Variants in PCLO observed in about 807,000 individuals in gnomAD.
PCLO encodes the protein piccolo presynaptic cytomatrix protein, also known as protein piccolo.
PCLO carries 82 observed loss-of-function variants against 427.5 expected under a neutral mutation model. That is an observed-to-expected ratio of 0.19 (90% CI 0.16 to 0.23). The LOEUF (loss-of-function observed/expected upper bound fraction) is 0.23. Ranked by LOEUF, PCLO falls within the 10% of genes least tolerant of loss-of-function variation. The pLI is 1.00. For synonymous variants in PCLO, 2,357 were observed against 2,155.4 expected (o/e 1.09, Z -2.59); for missense variants, 6,239 against 6,115.9 (o/e 1.02, Z -0.67).
intron 3 of PCLO, among the ~76,000 whole-genome samples, chr7:82,972,519 G>C (rs1795928943): frequency 6.6e-6 from 1 of 152,058 alleles, no homozygotes; most frequent in South Asian, 2.1e-4. Context: ...GTAAGGAAAT[G>C]GTGGTCACAA....
chr7:82,880,105 T>C (rs555318834), intron 9 of PCLO, among the ~76,000 whole-genome samples: 1 of 152,252 alleles, frequency 6.6e-6, no homozygotes, highest in South Asian at 2.1e-4. Flanking sequence ...ATAATATTAT[T>C]ATGAGAAACC....
At chr7:83,038,057 A>G (rs1321742018) in intron 3 of PCLO, among the ~76,000 whole-genome samples, 2 of 50,284 alleles carry the variant, frequency 4.0e-5, no homozygotes, top group African/African-American at 1.5e-4. Context: ...ATATCTTTAT[A>G]TATATATTTA....
rs1792300248 is a variant in PCLO, at chr7:83,156,356, T to G, written c.285A>C (p.Gln95His). ...QELDSSHPPK[Q>H]SGRPPDPGRP... Reference sequence around the variant, plus strand: ...GCCCAGGGTCCGGGGGTCTTCCTGATTGCTTTGGAGGATGACTACTATCCA... The same window carrying G: ...GCCCAGGGTCCGGGGGTCTTCCTGAGTGCTTTGGAGGATGACTACTATCCA... The change falls in exon 2 of 25, where the codon CAA (glutamine) becomes CAC (histidine). Residue 95 changes from glutamine to histidine, a missense_variant. Gln to His is a conservative substitution (Grantham distance 24, BLOSUM62 0). Around this residue, in one of 5 missense-constraint regions of PCLO, gnomAD observed 4,677 missense variants for 4,468.4 expected, o/e 1.05. Coordinates refer to ENST00000333891, the MANE Select transcript of PCLO (RefSeq NM_033026.6). The G allele has an allele frequency of 1.2e-6, 2 of 1,611,802 alleles. No homozygotes were observed. Among genetic ancestry groups the G allele is most frequent in the Non-Finnish European group, 1.7e-6 (2 of 1,178,928 alleles).
chr7:82,923,374 T>C (rs1175505820), intron 6 of PCLO, among the ~76,000 whole-genome samples: 1 of 151,808 alleles, frequency 6.6e-6, no homozygotes, highest in African/African-American at 2.4e-5. Context: ...AGGGGAAAAA[T>C]GCAAGAGCAA....
intron 6 of PCLO, among the ~76,000 whole-genome samples, chr7:82,935,120 T>G (rs555093163): frequency 7.0e-6 from 1 of 142,798 alleles, no homozygotes; most frequent in Non-Finnish European, 1.5e-5. Context: ...CCATCTAATC[T>G]AATAGTGACT....
chr7:82,951,067 G>A lies in PCLO; in HGVS notation c.9521C>T (p.Thr3174Ile). The change falls in exon 6 of 25, where the codon ACT becomes ATT. Residue 3174 changes from threonine (T) to isoleucine (I), a missense_variant. Thr to Ile is a moderately conservative substitution (Grantham distance 89). This residue lies in a region of PCLO where 4,677 missense variants were observed against 4,468.4 expected (regional missense o/e 1.05). Transcript: ENST00000333891. Reference protein sequence around the residue: ...SLQTITMESLTAETIDSVPTL... With the variant: ...SLQTITMESLIAETIDSVPTL... ...GGGAACAGAGTCTATCGTCTCAGCAGTAAGAGACTCCATAGTAATAGTTTG... is the reference window on the plus strand; with the variant it reads ...GGGAACAGAGTCTATCGTCTCAGCAATAAGAGACTCCATAGTAATAGTTTG... The A allele has an allele frequency of 1.9e-6, 3 of 1,613,890 alleles. No homozygotes were observed. The highest frequency in any genetic ancestry group is 1.7e-5 in the Admixed American group (1 of 60,020).
chr7:82,830,841 T>G (rs1792076491), intron 16 of PCLO, among the ~76,000 whole-genome samples: 1 of 152,040 alleles, frequency 6.6e-6, no homozygotes, highest in Non-Finnish European at 1.5e-5. Context: ...AGTCACTATC[T>G]TTTCTTAATC....
intron 21 of PCLO, among the ~76,000 whole-genome samples, chr7:82,802,576 A>G (rs1791377214): frequency 6.6e-6 from 1 of 152,158 alleles, no homozygotes; most frequent in Non-Finnish European, 1.5e-5. Context: ...ATTTGCCTTT[A>G]TATGTGCTTA....
intron 6 of PCLO, among the ~76,000 whole-genome samples, chr7:82,941,809 CA>C (rs1411028511): frequency 6.6e-6 from 1 of 152,074 alleles, no homozygotes; most frequent in Non-Finnish European, 1.5e-5. Flanking sequence ...GTTGTTTATT[CA>C]TTTTTCCAGT....
chr7:82,968,202 T>A (rs962375520), intron 3 of PCLO, among the ~76,000 whole-genome samples: 5 of 152,196 alleles, frequency 3.3e-5, no homozygotes, highest in African/African-American at 1.2e-4. Flanking sequence ...GCCAATAAAA[T>A]ATTAGGATAT....
At chr7:83,009,054 A>C (rs41588) in intron 3 of PCLO, among the ~76,000 whole-genome samples, 150,052 of 151,744 alleles carry the variant, frequency 0.99, 74,195 homozygotes, top group Middle Eastern at 1. Context: ...AAATTACCTA[A>C]ACCTTAATTC....
intron 9 of PCLO, 56 bp downstream of exon 9, chr7:82,902,594 CA>C: frequency 2.1e-6 from 2 of 965,952 alleles, no homozygotes; most frequent in Non-Finnish European, 3.1e-6. Context: ...AAATGCAAAA[CA>C]AAACAAAACA....
At chr7:83,036,288 T>C (rs1352811575) in intron 3 of PCLO, among the ~76,000 whole-genome samples, 2 of 152,096 alleles carry the variant, frequency 1.3e-5, no homozygotes. Context: ...TCTGATTCGG[T>C]TAGTAGGTCT....
chr7:82,835,771 G>C, intron 15 of PCLO, 78 bp from the exon 16 acceptor site: 1 of 1,076,362 alleles, frequency 9.3e-7, no homozygotes, highest in East Asian at 2.5e-5. Context: ...GTTAGGAACA[G>C]AAATAAGAAA....
chr7:82,821,881 G>T (rs1396532370), intron 20 of PCLO: 3 of 983,376 alleles, frequency 3.1e-6, no homozygotes, highest in Non-Finnish European at 3.6e-6. Context: ...TTTCTTCACA[G>T]ATTTTTCAGA....
intron 20 of PCLO, among the ~76,000 whole-genome samples, chr7:82,809,601 G>GTAATAATAATAATAATAA (rs61674452): frequency 3.4e-4 from 50 of 149,214 alleles, no homozygotes; most frequent in African/African-American, 6.8e-4. Flanking sequence ...TAATGAATAA[G>GTAATAATAATAATAATAA]TAATAATAAT....
rs759582941 is a variant in PCLO at position 82,915,976 on chromosome 7, T to C, written c.12010A>G (p.Ser4004Gly). Residue 4004 changes from serine (S) to glycine (G), a missense_variant, in exon 7 of 25, where the codon AGT becomes GGT. Around this residue, in one of 5 missense-constraint regions of PCLO, gnomAD observed 680 missense variants for 677.3 expected, o/e 1.00. Coordinates refer to ENST00000333891, the MANE Select transcript of PCLO (RefSeq NM_033026.6). Reference protein sequence around the residue: ...DNTFAVSHLGSKYNSLDLRIG... With the variant: ...DNTFAVSHLGGKYNSLDLRIG... The stretch of plus-strand genomic sequence containing the variant: ...CTCAAGTCTAAACTATTGTACTTAC[T>C]ACCAAGATGGGAAACAGCAAATGTG... 7 of 1,612,844 alleles carry C rather than the reference T, an allele frequency of 4.3e-6. No homozygotes were observed. Among genetic ancestry groups the C allele is most frequent in the African/African-American group, 4.0e-5 (3 of 74,926 alleles).
At chr7:83,082,025 C>A (rs1045388662) in intron 3 of PCLO, among the ~76,000 whole-genome samples, 2 of 151,040 alleles carry the variant, frequency 1.3e-5, no homozygotes, top group Admixed American at 6.6e-5. Flanking sequence ...TGAAAAAGAC[C>A]AAAGATATTA....
At chr7:82,779,109 T>C (rs909701524) in intron 22 of PCLO, among the ~76,000 whole-genome samples, 1 of 152,136 alleles carries the variant, frequency 6.6e-6, no homozygotes, top group African/African-American at 2.4e-5. Context: ...ACATTAACAA[T>C]AGATTTTTTA....
Sources: gnomAD v4.1 joint callset for allele counts (sites outside exome capture counted in the v4.1 genomes callset) on GRCh38, gnomAD v4.1.1 for gene constraint, gnomAD v4.1.1 regional missense constraint, MANE v1.5 for transcripts, NCBI Gene and HGNC (gene_info 2026-07-23, HGNC 2026-07-21) for gene names.